CDC42BPA: variants seen among roughly 807,000 people sequenced by gnomAD.
The protein encoded by CDC42BPA is CDC42 binding protein kinase alpha, also known as serine/threonine-protein kinase MRCK alpha.
In CDC42BPA, 80 loss-of-function variants were observed where a neutral mutation model predicts 223.5. The ratio of observed to expected loss-of-function variants is 0.36; its 90% confidence interval spans 0.30 to 0.43. CDC42BPA has a LOEUF of 0.43. CDC42BPA is among the 20% of genes least tolerant of loss of function. The pLI is 1.00. For missense variants in CDC42BPA, 1,743 were observed against 2,099.9 expected (o/e 0.83, Z 3.32); for synonymous variants, 694 against 718.6 (o/e 0.97, Z 0.55).
chr1:227,251,934 A>G (rs1382216278), intron 2 of CDC42BPA, among the ~76,000 whole-genome samples: 2 of 152,118 alleles, frequency 1.3e-5, no homozygotes, highest in African/African-American at 4.8e-5. Context: ...TTTTTTAATG[A>G]ACTTTAAATT....
intron 22 of CDC42BPA, 73 bp from the exon 23 acceptor site, chr1:227,048,083 G>T: frequency 1.1e-6 from 1 of 876,296 alleles, no homozygotes; most frequent in Non-Finnish European, 1.8e-6. Context: ...CTAGAAAGAA[G>T]CCAAAATAAA....
intron 5 of CDC42BPA, among the ~76,000 whole-genome samples, chr1:227,172,911 A>G (rs1467557056): frequency 6.6e-6 from 1 of 152,234 alleles, no homozygotes. Context: ...AAAACCTTCT[A>G]AAACTACAGT....
chr1:227,038,454 C>T (rs1670746543), intron 24 of CDC42BPA, among the ~76,000 whole-genome samples: 1 of 152,162 alleles, frequency 6.6e-6, no homozygotes, highest in African/African-American at 2.4e-5. Context: ...AAGATGATGT[C>T]AAAGATGAAA....
intron 10 of CDC42BPA, among the ~76,000 whole-genome samples, chr1:227,134,534 T>C (rs1437641153): frequency 1.3e-5 from 2 of 152,224 alleles, no homozygotes; most frequent in African/African-American, 2.4e-5. Context: ...CCCTACTTTG[T>C]ATGTGATTTA....
intron 9 of CDC42BPA, 90 bp downstream of exon 9, chr1:227,142,855 T>A: frequency 1.3e-6 from 1 of 748,570 alleles, no homozygotes; most frequent in Non-Finnish European, 2.1e-6. Context: ...CCTGACCTCA[T>A]GATACACCTG....
intron 2 of CDC42BPA, among the ~76,000 whole-genome samples, chr1:227,214,611 GC>G (rs1333411178): frequency 6.6e-6 from 1 of 152,144 alleles, no homozygotes; most frequent in Non-Finnish European, 1.5e-5. Flanking sequence ...AGGGACAGGA[GC>G]ACTAAGCTAT....
chr1:227,315,551 C>G (rs555565277), intron 1 of CDC42BPA, among the ~76,000 whole-genome samples: 1 of 150,288 alleles, frequency 6.7e-6, no homozygotes, highest in East Asian at 2.0e-4. Context: ...AGTTCCAACT[C>G]TAAAAGTACC....
chr1:227,225,179 T>C (rs1432749019), intron 2 of CDC42BPA, among the ~76,000 whole-genome samples: 1 of 152,162 alleles, frequency 6.6e-6, no homozygotes, highest in Non-Finnish European at 1.5e-5. Flanking sequence ...TAAAACTACA[T>C]CAATTTTGTT....
In CDC42BPA at chr1:227,022,665, C is replaced by G. The variant is rs544113780; in HGVS notation, c.4615+598G>C. 2.0e-5 allele frequency among the ~76,000 whole-genome samples: 3 copies of G among 152,284 alleles called. No homozygotes were observed. In the South Asian group the frequency reaches 6.2e-4, roughly 32 times the overall value. The stretch of plus-strand genomic sequence containing the variant: ...CAAACAACATTTAATTCTATGTGAA[C>G]AGTCTCCCTGGCATTTTATGTGTGG... On this transcript the variant is annotated intron_variant, in intron 32 of 36. Coordinates refer to ENST00000366766, the MANE Select transcript of CDC42BPA (RefSeq NM_001394014.1).
At chr1:227,238,793 T>C (rs899299989) in intron 2 of CDC42BPA, among the ~76,000 whole-genome samples, 9 of 152,092 alleles carry the variant, frequency 5.9e-5, no homozygotes, top group Non-Finnish European at 1.0e-4. Context: ...AGATGAACAA[T>C]TGGAACATGT....
At chr1:227,160,663 T>C in intron 5 of CDC42BPA, 27 bp from the exon 6 acceptor site, 1 of 1,251,624 alleles carries the variant, frequency 8.0e-7, no homozygotes, top group South Asian at 1.4e-5. Context: ...ATTCAATTTT[T>C]AGTGGAAAAA....
chr1:227,016,568 T>C (rs749583485), intron 33 of CDC42BPA, among the ~76,000 whole-genome samples: 2 of 152,218 alleles, frequency 1.3e-5, no homozygotes, highest in Non-Finnish European at 2.9e-5. Context: ...TGTTTGCTCA[T>C]GAAGAGAGTA....
chr1:227,094,325 C>T (rs75461500), intron 15 of CDC42BPA, among the ~76,000 whole-genome samples: 59 of 152,264 alleles, frequency 3.9e-4, no homozygotes, highest in Admixed American at 9.8e-4. Flanking sequence ...GCTATGTGGG[C>T]TCTAAACTGA....
At chr1:227,108,916 C>G (rs1686410466) in intron 14 of CDC42BPA, among the ~76,000 whole-genome samples, 1 of 152,236 alleles carries the variant, frequency 6.6e-6, no homozygotes, top group East Asian at 1.9e-4. Flanking sequence ...AGGTTACAAA[C>G]CTGTACAGTA....
intron 5 of CDC42BPA, among the ~76,000 whole-genome samples, chr1:227,176,994 G>T (rs1667064494): frequency 1.3e-5 from 2 of 149,620 alleles, no homozygotes; most frequent in Admixed American, 1.3e-4. Context: ...AACTTTAAAG[G>T]TAAATAATTA....
intron 21 of CDC42BPA, among the ~76,000 whole-genome samples, chr1:227,065,122 A>AATTAATTAATT (rs1558414024): frequency 1.0e-3 from 151 of 151,756 alleles, no homozygotes; most frequent in African/African-American, 3.5e-3. Flanking sequence ...ATAAATAAAT[A>AATTAATTAATT]AATTAACTCA....
intron 21 of CDC42BPA, among the ~76,000 whole-genome samples, chr1:227,062,643 A>G (rs534779156): frequency 1.1e-4 from 16 of 152,322 alleles, no homozygotes; most frequent in African/African-American, 3.4e-4. Flanking sequence ...CTGAATGTCC[A>G]TAGTACTTAG....
intron 6 of CDC42BPA, 88 bp downstream of exon 6, chr1:227,160,455 A>C (rs1663674564): frequency 1.1e-6 from 1 of 886,092 alleles, no homozygotes; most frequent in African/African-American, 1.6e-5. Flanking sequence ...TAGATAGTAT[A>C]AATAGATGGT....
At chr1:227,044,470 A>G (rs1332061828) in intron 23 of CDC42BPA, among the ~76,000 whole-genome samples, 1 of 152,242 alleles carries the variant, frequency 6.6e-6, no homozygotes, top group Non-Finnish European at 1.5e-5. Context: ...CATGGTTGAA[A>G]AAGTAAAATG....
Sources: allele counts gnomAD v4.1 joint callset (sites outside exome capture counted in the v4.1 genomes callset), GRCh38; gene constraint gnomAD v4.1.1; transcripts MANE v1.5; gene names NCBI Gene and HGNC (gene_info 2026-07-23, HGNC 2026-07-21).